The following STXBP6 variants were observed in gnomAD, a reference collection of about 807,000 sequenced individuals.
STXBP6 encodes syntaxin-binding protein 6.
STXBP6 carries 21 observed loss-of-function variants against 26.9 expected under a neutral mutation model. That is an observed-to-expected ratio of 0.78 (90% CI 0.55 to 1.12). The LOEUF is 1.12. Ranked by LOEUF, STXBP6 falls within the 50% of genes most tolerant of loss-of-function variation. The pLI is 0.00. For missense variants in STXBP6, 232 were observed against 257.9 expected (o/e 0.90, Z 0.69); for synonymous variants, 97 against 92.6 (o/e 1.05, Z -0.27).
intron 2 of STXBP6, among the ~76,000 whole-genome samples, chr14:24,874,435 T>A (rs1347925481): frequency 6.6e-6 from 1 of 152,086 alleles, no homozygotes; most frequent in African/African-American, 2.4e-5. Flanking sequence ...CTTGCCCTAG[T>A]TCCACCGACG....
intron 4 of STXBP6, among the ~76,000 whole-genome samples, chr14:24,829,615 G>A (rs1385029897): frequency 6.6e-6 from 1 of 151,832 alleles, no homozygotes; most frequent in Non-Finnish European, 1.5e-5. Context: ...TAATCACCTA[G>A]TAATTCATAC....
intron 2 of STXBP6, among the ~76,000 whole-genome samples, chr14:24,890,723 C>A (rs1463089271): frequency 6.6e-6 from 1 of 152,148 alleles, no homozygotes; most frequent in Non-Finnish European, 1.5e-5. Context: ...GCCACAACAT[C>A]TTCAAAAAAT....
intron 2 of STXBP6, among the ~76,000 whole-genome samples, chr14:24,863,404 C>G (rs2139250805): frequency 6.6e-6 from 1 of 152,256 alleles, no homozygotes; most frequent in South Asian, 2.1e-4. Context: ...AAAGGAAGAA[C>G]AGTTCCTGTG....
At chr14:25,029,053 T>C (rs1353973913) in intron 1 of STXBP6, among the ~76,000 whole-genome samples, 1 of 152,098 alleles carries the variant, frequency 6.6e-6, no homozygotes, top group East Asian at 1.9e-4. Flanking sequence ...CTTGAGGTGG[T>C]GAAGATGCTG....
intron 2 of STXBP6, among the ~76,000 whole-genome samples, chr14:24,928,208 A>G (rs2072249676): frequency 6.6e-6 from 1 of 152,168 alleles, no homozygotes; most frequent in Non-Finnish European, 1.5e-5. Context: ...TGGAAATTGA[A>G]AACTATGTAC....
At chr14:24,924,506 T>C (rs1023399903) in intron 2 of STXBP6, among the ~76,000 whole-genome samples, 2 of 152,116 alleles carry the variant, frequency 1.3e-5, no homozygotes, top group Non-Finnish European at 2.9e-5. Context: ...AAATCTCCAA[T>C]GCAAAGGGAG....
intron 1 of STXBP6, among the ~76,000 whole-genome samples, chr14:25,039,324 C>CTA (rs1236941472): frequency 3.9e-5 from 6 of 152,320 alleles, no homozygotes; most frequent in African/African-American, 1.4e-4. Context: ...CAGGGCTGCT[C>CTA]TATAGTAAGC....
intron 4 of STXBP6, among the ~76,000 whole-genome samples, chr14:24,846,028 T>C (rs746556497): frequency 6.6e-6 from 1 of 152,198 alleles, no homozygotes; most frequent in African/African-American, 2.4e-5. Context: ...CAATGTATCT[T>C]AGAGTTCTTT....
intron 1 of STXBP6, among the ~76,000 whole-genome samples, chr14:25,022,344 ACTCTCTCTT>A (rs1161806948): frequency 3.3e-5 from 5 of 151,968 alleles, no homozygotes; most frequent in African/African-American, 1.2e-4. Context: ...AAAACAAGAA[ACTCTCTCTT>A]CCTAGAGTTC....
chr14:24,849,637 C>A (rs1281915366), intron 4 of STXBP6, among the ~76,000 whole-genome samples: 2 of 152,036 alleles, frequency 1.3e-5, no homozygotes, highest in Non-Finnish European at 2.9e-5. Flanking sequence ...TTCCCAAGGG[C>A]AACAAAAATA....
At position 25,002,507 on chromosome 14, in the gene STXBP6, G is replaced by T. The variant is rs111942400; in HGVS notation, c.-32-27657C>A. Among the ~76,000 whole-genome samples, 20 of 151,878 alleles carry T rather than the reference G, an allele frequency of 1.3e-4. No homozygotes were observed. In the East Asian group the frequency reaches 3.3e-3, roughly 25 times the overall value. ...CCCAAGTAGCTGGGACTATAGGCAC[G>T]TGCCACCACAGCCAGCTAATTTTTT... On this transcript the variant is annotated intron_variant, in intron 1 of 5. Coordinates refer to ENST00000323944, the MANE Select transcript of STXBP6 (RefSeq NM_001394410.1).
chr14:24,932,212 A>T lies in STXBP6; in HGVS notation c.154+42453T>A, dbSNP rs149779825. 1.2e-3 allele frequency among the ~76,000 whole-genome samples: 181 copies of T among 152,278 alleles called. 1 individual carries two copies. Among genetic ancestry groups the T allele is most frequent in the Non-Finnish European group, 2.3e-3 (155 of 68,010 alleles). Reference sequence around the variant, plus strand: ...TCACGAGGTCAGGAATTTGAGACCAACCTGGCTAACATGGTGAAACTCCAT... The same window carrying T: ...TCACGAGGTCAGGAATTTGAGACCATCCTGGCTAACATGGTGAAACTCCAT... On this transcript the variant is annotated intron_variant, in intron 2 of 5. Transcript: ENST00000323944.
intron 1 of STXBP6, among the ~76,000 whole-genome samples, chr14:25,017,772 G>A (rs1341208217): frequency 6.6e-6 from 1 of 152,220 alleles, no homozygotes; most frequent in African/African-American, 2.4e-5. Context: ...CTGGAGCCCT[G>A]AGGACTTACT....
chr14:24,924,953 T>C (rs1324467949), intron 2 of STXBP6, among the ~76,000 whole-genome samples: 2 of 152,224 alleles, frequency 1.3e-5, no homozygotes, highest in Non-Finnish European at 2.9e-5. Flanking sequence ...AATCAGCTAC[T>C]ATAAGAAGAA....
Position 25,006,568 on chromosome 14 carries a change from G to A in STXBP6, c.-32-31718C>T, listed in dbSNP as rs770074703. On this transcript the variant is annotated intron_variant, in intron 1 of 5. Transcript: ENST00000323944. ...AATCTGATATTAGGGCCCAGAAGACGCACCTCTGCTTCAAGCAAGGGAGAT... is the reference window on the plus strand; with the variant it reads ...AATCTGATATTAGGGCCCAGAAGACACACCTCTGCTTCAAGCAAGGGAGAT... Among the ~76,000 whole-genome samples, 12 of 152,282 alleles carry A rather than the reference G, an allele frequency of 7.9e-5. No individual in the cohort carries two copies. The South Asian group carries it at 1.0e-3, about 13-fold the overall frequency.
chr14:24,970,264 T>C (rs73595305), intron 2 of STXBP6, among the ~76,000 whole-genome samples: 7,554 of 152,124 alleles, frequency 0.05, 678 homozygotes, highest in African/African-American at 0.17. Context: ...ATCAATTTCA[T>C]TGAAATTTAT....
chr14:24,870,214 T>C (rs573134198), intron 2 of STXBP6, among the ~76,000 whole-genome samples: 8 of 152,272 alleles, frequency 5.3e-5, no homozygotes, highest in Admixed American at 2.6e-4. Context: ...CAACTCTGCA[T>C]TGGAAGGTAA....
At chr14:24,875,085 G>A (rs942546213) in intron 2 of STXBP6, among the ~76,000 whole-genome samples, 7 of 152,200 alleles carry the variant, frequency 4.6e-5, no homozygotes, top group African/African-American at 1.4e-4. Context: ...CTGAATAACA[G>A]CAGCAGCTCT....
chr14:24,897,319 AG>A (rs1430498246), intron 2 of STXBP6, among the ~76,000 whole-genome samples: 1 of 149,936 alleles, frequency 6.7e-6, no homozygotes, highest in Admixed American at 6.7e-5. Flanking sequence ...CTGAGGCAGG[AG>A]AATGGCATGA....
Sources: allele counts gnomAD v4.1 joint callset (sites outside exome capture counted in the v4.1 genomes callset), GRCh38; gene constraint gnomAD v4.1.1; transcripts MANE v1.5; gene names NCBI Gene and HGNC (gene_info 2026-07-23, HGNC 2026-07-21).